GSC: variants seen among roughly 807,000 people sequenced by gnomAD.
The protein encoded by GSC is goosecoid homeobox.
GSC carries 13 observed loss-of-function variants against 24.5 expected under a neutral mutation model. The ratio of observed to expected loss-of-function variants is 0.53; its 90% CI spans 0.35 to 0.84. GSC has a LOEUF of 0.84. Among genes scored for constraint, GSC ranks in the 40% least tolerant of loss-of-function variants. The pLI is 0.01. For synonymous variants in GSC, 199 were observed against 182.1 expected (o/e 1.09, Z -0.75); for missense variants, 382 against 384.2 (o/e 0.99, Z 0.05).
chr14:94,769,813 C>A lies in GSC; in HGVS notation c.203G>T (p.Gly68Val). 7.1e-7 allele frequency: 1 copy of A among 1,412,634 alleles called. No homozygotes were observed. Among genetic ancestry groups the A allele is most frequent in the South Asian group, 1.5e-5 (1 of 64,636 alleles). 87.5% of individuals were successfully genotyped at this position (1,412,634 alleles called of 1,614,324 possible). Reference protein sequence around the residue: ...YPRPVAPGGAGLPAAVSGSRL... With the variant: ...YPRPVAPGGAVLPAAVSGSRL... ...GGAGCCGCTGACCGCGGCCGGGAGG[C>A]CCGCGCCGCCGGGGGCCACGGGGCG... Residue 68 changes from glycine (G) to valine (V), a missense_variant, in exon 1 of 3, where the codon GGC becomes GTC. Gly to Val is a moderately radical substitution (Grantham distance 109). Coordinates refer to ENST00000238558, the MANE Select transcript of GSC (RefSeq NM_173849.3).
rs1237717649 is a variant in GSC at position 94,768,375 on chromosome 14, C to T, written c.*116G>A. The T allele has an allele frequency of 6.8e-6, 9 of 1,323,768 alleles. No individual in the cohort carries two copies. The highest frequency in any genetic ancestry group is 9.8e-6 in the Non-Finnish European group (9 of 922,832). The allele number at this position is 1,323,768 out of a possible 1,614,324, so 82.0% of individuals were successfully genotyped here. A position where few individuals can be genotyped will look rare whatever the true frequency, so the allele number is the denominator to read the frequency against. On this transcript the variant is annotated 3_prime_UTR_variant, in exon 3 of 3. Coordinates refer to ENST00000238558, the MANE Select transcript of GSC (RefSeq NM_173849.3). Reference sequence around the variant, plus strand: ...GCTCTGTACACTATTTACAGCTCCTCGTTCCTCTTTCTCGACCCCCTCCCG... The same window carrying T: ...GCTCTGTACACTATTTACAGCTCCTTGTTCCTCTTTCTCGACCCCCTCCCG...
Position 94,769,202 on chromosome 14 carries a change from C to T in GSC, c.371G>A (p.Gly124Asp). 6.4e-7 allele frequency: 1 copy of T among 1,556,332 alleles called. No homozygotes were observed. The highest frequency in any genetic ancestry group is 8.7e-7 in the Non-Finnish European group (1 of 1,150,680). Residue 124 changes from glycine to aspartate, a missense_variant, in exon 2 of 3, where the codon GGT becomes GAT. Physicochemically the swap from Gly to Asp is moderately conservative, Grantham distance 94. Coordinates refer to ENST00000238558, the MANE Select transcript of GSC (RefSeq NM_173849.3). Reference sequence around the variant, plus strand: ...CGGTACCGGGGACACCAGCACCGAACCGGGGCCCTCGTAGCCTGCGACAGA... The same window carrying T: ...CGGTACCGGGGACACCAGCACCGAATCGGGGCCCTCGTAGCCTGCGACAGA... Reference protein sequence around the residue: ...VPTPPGYEGPGSVLVSPVPHQ... With the variant: ...VPTPPGYEGPDSVLVSPVPHQ...
At position 94,768,303 on chromosome 14, in the gene GSC, G is replaced by A. The variant is rs538026919; in HGVS notation, c.*188C>T. 3 of 695,214 alleles carry A rather than the reference G, an allele frequency of 4.3e-6. No homozygotes were observed. Among genetic ancestry groups the A allele is most frequent in the South Asian group, 3.3e-5 (2 of 60,248 alleles). 43.1% of individuals were successfully genotyped at this position (695,214 alleles called of 1,614,324 possible). Reference sequence around the variant, plus strand: ...GTGGGGGCTAGTCGCGGGCGGCCTCGGGCTGCTGGGCTGTGCGCGCCCTGA... The same window carrying A: ...GTGGGGGCTAGTCGCGGGCGGCCTCAGGCTGCTGGGCTGTGCGCGCCCTGA... On this transcript the variant is annotated 3_prime_UTR_variant, in exon 3 of 3. Coordinates refer to ENST00000238558, the MANE Select transcript of GSC (RefSeq NM_173849.3).
Position 94,769,100 on chromosome 14 carries a change from C to T in GSC, c.473G>A (p.Arg158Gln). The stretch of plus-strand genomic sequence containing the variant: ...GATGGTGCGGTGCCGCCGCTTCCGC[C>T]GACAGTGCAGCTGGTTGAGAAGCTG... ...ELQLLNQLHC[R>Q]RKRRHRTIFT... The change falls in exon 2 of 3, where the codon CGG becomes CAG. Residue 158 changes from arginine (R) to glutamine (Q), a missense_variant. Physicochemically the swap from Arg to Gln is conservative, Grantham distance 43. Transcript: ENST00000238558. The T allele has an allele frequency of 6.3e-7, 1 of 1,589,878 alleles. No individual in the cohort carries two copies. The highest frequency in any genetic ancestry group is 1.1e-5 in the South Asian group (1 of 87,272).
intron 2 of GSC, 42 bp downstream of exon 2, chr14:94,768,916 G>A (rs1034930631): frequency 6.4e-7 from 1 of 1,555,338 alleles, no homozygotes; most frequent in Non-Finnish European, 8.7e-7. Flanking sequence ...CCACCTCGCG[G>A]GGAAGGACCG....
At position 94,769,766 on chromosome 14, in the gene GSC, A is replaced by G; in HGVS notation, c.250T>C (p.Phe84Leu). 1 of 1,442,340 alleles carries G rather than the reference A, an allele frequency of 6.9e-7. No individual in the cohort carries two copies. The highest frequency in any genetic ancestry group is 9.0e-7 in the Non-Finnish European group (1 of 1,107,236). The allele number at this position is 1,442,340 out of a possible 1,614,324, so 89.3% of individuals were successfully genotyped here. A position where few individuals can be genotyped will look rare whatever the true frequency, so the allele number is the denominator to read the frequency against. ...SGSRLGYNNY[F>L]YGQLHVQAAP... is the part of the protein sequence containing the mutation. ...GCCTGCACGTGCAGCTGCCCGTAGA[A>G]GTAGTTGTTGTAGCCGAGGCGGGAG... The change falls in exon 1 of 3, where the codon TTC becomes CTC. Residue 84 changes from phenylalanine to leucine, a missense_variant. Physicochemically the swap from Phe to Leu is conservative, Grantham distance 22. Coordinates refer to ENST00000238558, the MANE Select transcript of GSC (RefSeq NM_173849.3).
At position 94,769,123 on chromosome 14, in the gene GSC, C is replaced by G. The variant is rs767740982; in HGVS notation, c.450G>C (p.Gln150His). ...NVGTLSRTEL[Q>H]LLNQLHCRRK... ...GCCGACAGTGCAGCTGGTTGAGAAG[C>G]TGCAGCTCGGTGCGCGACAGCGTGC... The change falls in exon 2 of 3, where the codon CAG becomes CAC. Residue 150 changes from glutamine (Q) to histidine (H), a missense_variant. By Grantham distance (24) the Gln-to-His change is conservative. Transcript: ENST00000238558. The G allele has an allele frequency of 1.3e-6, 2 of 1,581,908 alleles. No homozygotes were observed. The highest frequency in any genetic ancestry group is 2.3e-5 in the South Asian group (2 of 86,560).
rs1051698424 is a variant in GSC at position 94,769,557 on chromosome 14, G to C, written c.355+104C>G. 2.1e-5 allele frequency: 29 copies of C among 1,365,828 alleles called. No individual in the cohort carries two copies. The African/African-American group carries it at 2.7e-4, about 13-fold the overall frequency. 84.6% of individuals were successfully genotyped at this position (1,365,828 alleles called of 1,614,324 possible). A position where few individuals can be genotyped will look rare whatever the true frequency, so the allele number is the denominator to read the frequency against. ...CGCCCGATCGGCAAAAGCGGAGGGG[G>C]GAGTTGCAAGAGGAGCAAAGTTTGA... On this transcript the variant is annotated intron_variant, in intron 1 of 2. Transcript: ENST00000238558.
chr14:94,768,481 C>A lies in GSC; in HGVS notation c.*10G>T. ...TTAGGTAAGTAATACGGGCAAGTGTCCCGCGGCCGTCAGCTGTCCGAGTCC... is the reference window on the plus strand; with the variant it reads ...TTAGGTAAGTAATACGGGCAAGTGTACCGCGGCCGTCAGCTGTCCGAGTCC... On this transcript the variant is annotated 3_prime_UTR_variant, in exon 3 of 3. Transcript: ENST00000238558. 6.2e-7 allele frequency: 1 copy of A among 1,614,176 alleles called. No individual in the cohort carries two copies. Among genetic ancestry groups the A allele is most frequent in the South Asian group, 1.1e-5 (1 of 91,076 alleles).
In GSC at chr14:94,770,095, T is replaced by G; in HGVS notation, c.-80A>C. On this transcript the variant is annotated 5_prime_UTR_variant, in exon 1 of 3. Coordinates refer to ENST00000238558, the MANE Select transcript of GSC (RefSeq NM_173849.3). ...CTTAAAGTGGGGGGGTCCACTCTCC[T>G]CCAGCCGCCGACCAAACCGAAAGAG... The G allele has an allele frequency of 7.5e-7, 1 of 1,333,966 alleles. No homozygotes were observed. Among genetic ancestry groups the G allele is most frequent in the Non-Finnish European group, 1.0e-6 (1 of 992,022 alleles). 82.6% of individuals were successfully genotyped at this position (1,333,966 alleles called of 1,614,324 possible). A position where few individuals can be genotyped will look rare whatever the true frequency, so the allele number is the denominator to read the frequency against.
At chr14:94,768,793 TTTCA>T in intron 2 of GSC, 144 bp from the exon 3 acceptor site, 1 of 1,407,470 alleles carries the variant, frequency 7.1e-7, no homozygotes, top group South Asian at 1.2e-5. Flanking sequence ...GCTTCCGCGT[TTTCA>T]TTCAACTTCC....
In GSC at chr14:94,768,503, G is replaced by A. The variant is rs769820637; in HGVS notation, c.762C>T (p.Asp254=). Reference sequence around the variant, plus strand: ...TGTCCCGCGGCCGTCAGCTGTCCGAGTCCAAATCGCTTTTACCTTCCTCTT... The same window carrying A: ...TGTCCCGCGGCCGTCAGCTGTCCGAATCCAAATCGCTTTTACCTTCCTCTT... ...KREEEGKSDL[D]SDS The change falls in exon 3 of 3, where the codon GAC becomes GAT. Residue 254 remains aspartate, a synonymous_variant. Transcript: ENST00000238558. 6.2e-6 allele frequency: 10 copies of A among 1,614,096 alleles called. No homozygotes were observed. Among genetic ancestry groups the A allele is most frequent in the Non-Finnish European group, 7.6e-6 (9 of 1,180,044 alleles).
At chr14:94,769,560 G>A (rs1388342398) in intron 1 of GSC, 101 bp downstream of exon 1, 2 of 1,380,168 alleles carry the variant, frequency 1.4e-6, no homozygotes, top group Admixed American at 3.2e-5. Flanking sequence ...GGAGGGGGGA[G>A]TTGCAAGAGG....
chr14:94,770,020 G>T lies in GSC; in HGVS notation c.-5C>A, dbSNP rs547578503. 4 of 1,547,828 alleles carry T rather than the reference G, an allele frequency of 2.6e-6. No homozygotes were observed. The highest frequency in any genetic ancestry group is 2.4e-5 in the South Asian group (2 of 85,064). On this transcript the variant is annotated 5_prime_UTR_variant, in exon 1 of 3. Coordinates refer to ENST00000238558, the MANE Select transcript of GSC (RefSeq NM_173849.3). ...GCTGAACATGCTGGCGGGCATCCCC[G>T]AGCCCCGCGTCGGGACCGGGGGGCG...
Position 94,768,345 on chromosome 14 carries a change from T to TC in GSC, c.*145dup. 8.9e-7 allele frequency: 1 copy of TC among 1,120,386 alleles called. No homozygotes were observed. Among genetic ancestry groups the TC allele is most frequent in the Admixed American group, 1.9e-5 (1 of 52,866 alleles). 69.4% of individuals were successfully genotyped at this position (1,120,386 alleles called of 1,614,324 possible). ...GCGCCCTGACCCCAGACGCCGACCC[T>TC]CCCGGCTCTGTACACTATTTACAGC... On this transcript the variant is annotated 3_prime_UTR_variant, in exon 3 of 3. Transcript: ENST00000238558.
chr14:94,769,953 C>A lies in GSC; in HGVS notation c.63G>T (p.Ser21=). The change falls in exon 1 of 3, where the codon TCG becomes TCT. Residue 21 remains serine (S), a synonymous_variant. Coordinates refer to ENST00000238558, the MANE Select transcript of GSC (RefSeq NM_173849.3). ...CCGCGCTGTGCGCCACCGGCAACAC[C>A]GAGTCCTTGCAGCGCGGCCGGGCGG... is the stretch of plus-strand genomic sequence containing the variant. The part of the protein sequence containing the change: ...ILAARPRCKD[S]VLPVAHSAAA... 6.4e-7 allele frequency: 1 copy of A among 1,553,450 alleles called. No individual in the cohort carries two copies. The highest frequency in any genetic ancestry group is 1.8e-4 in the Middle Eastern group (1 of 5,486).
chr14:94,770,048 G>C lies in GSC; in HGVS notation c.-33C>G, dbSNP rs764852187. ...CCCCGCGTCGGGACCGGGGGGCGGCGGGAACGCGCCGAGGACAGAGCCTTA... is the reference window on the plus strand; with the variant it reads ...CCCCGCGTCGGGACCGGGGGGCGGCCGGAACGCGCCGAGGACAGAGCCTTA... On this transcript the variant is annotated 5_prime_UTR_variant, in exon 1 of 3. Transcript: ENST00000238558. 1 of 1,528,610 alleles carries C rather than the reference G, an allele frequency of 6.5e-7. No individual in the cohort carries two copies. Among genetic ancestry groups the C allele is most frequent in the Middle Eastern group, 2.2e-4 (1 of 4,618 alleles). 94.7% of individuals were successfully genotyped at this position (1,528,610 alleles called of 1,614,324 possible). A position where few individuals can be genotyped will look rare whatever the true frequency, so the allele number is the denominator to read the frequency against.
chr14:94,769,393 C>G (rs1566881108), intron 1 of GSC, among the ~76,000 whole-genome samples, 176 bp from the exon 2 acceptor site: 1 of 152,202 alleles, frequency 6.6e-6, no homozygotes. Context: ...GAGCATCCAT[C>G]CGCACACCCG....
intron 1 of GSC, 139 bp from the exon 2 acceptor site, chr14:94,769,356 G>T: frequency 8.4e-7 from 1 of 1,187,608 alleles, no homozygotes; most frequent in Non-Finnish European, 1.2e-6. Flanking sequence ...GGAATCAGGG[G>T]TGCAGGGAAA....
Sources: gnomAD v4.1 joint callset for allele counts (sites outside exome capture counted in the v4.1 genomes callset) on GRCh38, gnomAD v4.1.1 for gene constraint, MANE v1.5 for transcripts, NCBI Gene and HGNC (gene_info 2026-07-23, HGNC 2026-07-21) for gene names.